The following TIMP2 variants were observed in gnomAD, a reference collection of about 807,000 sequenced individuals.
TIMP2 encodes the protein metalloproteinase inhibitor 2.
A neutral mutation model predicts 24.3 loss-of-function variants in TIMP2; 5 were observed. The observed-to-expected ratio is 0.21, with a 90% CI of 0.11 to 0.43. The LOEUF (loss-of-function observed/expected upper bound fraction) is 0.43. Ranked by LOEUF, TIMP2 falls within the 20% of genes least tolerant of loss-of-function variation. The probability of loss-of-function intolerance (pLI) is 1.00; values close to 1 mark genes in which losing one functional copy is unlikely to be tolerated. For missense variants in TIMP2, 221 were observed against 297.5 expected (o/e 0.74, Z 1.89); for synonymous variants, 130 against 123.2 (o/e 1.06, Z -0.37).
intron 1 of TIMP2, among the ~76,000 whole-genome samples, chr17:78,893,361 AGGGGTGTG>A (rs2069942908): frequency 7.9e-5 from 7 of 88,970 alleles, no homozygotes; most frequent in African/African-American, 3.3e-4. Context: ...GTGTGTGTGC[AGGGGTGTG>A]TAGGAGTGTG....
At chr17:78,875,483 G>A (rs963775910) in intron 1 of TIMP2, among the ~76,000 whole-genome samples, 1 of 152,122 alleles carries the variant, frequency 6.6e-6, no homozygotes, top group Non-Finnish European at 1.5e-5. Context: ...GGTAACCTGA[G>A]GACAAGCAGA....
intron 1 of TIMP2, among the ~76,000 whole-genome samples, chr17:78,875,406 G>A (rs955080106): frequency 1.3e-5 from 2 of 152,114 alleles, no homozygotes; most frequent in South Asian, 4.1e-4. Context: ...GGAGCCTGAG[G>A]TTGCTGACAG....
intron 1 of TIMP2, among the ~76,000 whole-genome samples, chr17:78,910,194 CTTTT>C (rs941956227): frequency 7.0e-6 from 1 of 142,732 alleles, no homozygotes. Context: ...ATTTCTTTTT[CTTTT>C]TTTTTTTTTT....
intron 1 of TIMP2, among the ~76,000 whole-genome samples, chr17:78,894,531 C>T (rs987020658): frequency 1.3e-5 from 2 of 151,994 alleles, no homozygotes; most frequent in African/African-American, 2.4e-5. Flanking sequence ...AAAGGTGCCA[C>T]GGCAATTTAA....
intron 3 of TIMP2, among the ~76,000 whole-genome samples, chr17:78,863,503 A>T (rs889334329): frequency 6.6e-6 from 1 of 152,136 alleles, no homozygotes; most frequent in Non-Finnish European, 1.5e-5. Flanking sequence ...CAGCCTCTCA[A>T]AGTGCTGGGA....
chr17:78,923,315 C>T (rs980483067), intron 1 of TIMP2, among the ~76,000 whole-genome samples: 2 of 149,744 alleles, frequency 1.3e-5, no homozygotes, highest in African/African-American at 4.9e-5. Flanking sequence ...TCAGTGGCCG[C>T]CTTAACTTAT....
intron 1 of TIMP2, chr17:78,902,553 G>A (rs1278726815): frequency 6.6e-6 from 1 of 152,392 alleles, no homozygotes; most frequent in Non-Finnish European, 1.5e-5. Context: ...CCATATCCTG[G>A]GCTGGGTCAG....
chr17:78,865,624 C>CAAAA (rs35179698), intron 3 of TIMP2, among the ~76,000 whole-genome samples: 39 of 117,708 alleles, frequency 3.3e-4, no homozygotes, highest in East Asian at 1.7e-3. Flanking sequence ...AACTCTGTCT[C>CAAAA]AAAAAAAAAA....
intron 4 of TIMP2, chr17:78,856,233 C>T (rs116809953): frequency 2.0e-3 from 512 of 256,184 alleles, no homozygotes; most frequent in African/African-American, 1.0e-2. Context: ...GTGTTGCTCG[C>T]AAGCCGAGCC....
chr17:78,925,005 G>C lies in TIMP2; in HGVS notation c.84C>G (p.Ser28Arg). Residue 28 changes from serine (S) to arginine (R), a missense_variant, in exon 1 of 5, where the codon AGC becomes AGG. Coordinates refer to ENST00000262768, the MANE Select transcript of TIMP2 (RefSeq NM_003255.5). ...ATLLRPADAC[S>R]CSPVHPQQAF... ...CCTGTTGCGGGTGCACCGGGGAGCA[G>C]CTGCAGGCGTCGGCCGGGCGAAGCA... is the stretch of plus-strand genomic sequence containing the variant. The C allele has an allele frequency of 7.7e-7, 1 of 1,299,442 alleles. No homozygotes were observed. The allele number at this position is 1,299,442 out of a possible 1,614,324, so 80.5% of individuals were successfully genotyped here.
intron 1 of TIMP2, among the ~76,000 whole-genome samples, chr17:78,905,514 C>T (rs1053226145): frequency 6.6e-6 from 1 of 152,244 alleles, no homozygotes; most frequent in South Asian, 2.1e-4. Flanking sequence ...GTGGCCTTGA[C>T]GCCCATTCTA....
At chr17:78,858,729 T>TA (rs1202468779) in intron 3 of TIMP2, among the ~76,000 whole-genome samples, 1 of 152,178 alleles carries the variant, frequency 6.6e-6, no homozygotes, top group Non-Finnish European at 1.5e-5. Flanking sequence ...CTTGCTATGT[T>TA]ACTCAGGCTG....
chr17:78,906,214 T>C (rs973636592), intron 1 of TIMP2, among the ~76,000 whole-genome samples: 1 of 151,874 alleles, frequency 6.6e-6, no homozygotes, highest in Non-Finnish European at 1.5e-5. Context: ...TATAAAAAAC[T>C]AAAAATAGCC....
rs747782100 is a variant in TIMP2 at position 78,924,949 on chromosome 17, C to A, written c.130+10G>T. ...GGCCCCGCGCGGGGGCTGGGGTCGCCGCTCCTTACCTACATCTGCATTGCA... is the reference window on the plus strand; with the variant it reads ...GGCCCCGCGCGGGGGCTGGGGTCGCAGCTCCTTACCTACATCTGCATTGCA... On this transcript the variant is annotated intron_variant, in intron 1 of 4. Coordinates refer to ENST00000262768, the MANE Select transcript of TIMP2 (RefSeq NM_003255.5). This position sits in a 1 kb window ranked among gnomAD's most constrained non-coding sequence, Gnocchi z 5.3. 33 of 1,258,910 alleles carry A rather than the reference C, an allele frequency of 2.6e-5. No homozygotes were observed. In the South Asian group the frequency reaches 7.4e-4, roughly 28 times the overall value. 78.0% of individuals were successfully genotyped at this position (1,258,910 alleles called of 1,614,324 possible).
intron 1 of TIMP2, among the ~76,000 whole-genome samples, chr17:78,909,382 G>A (rs9900501): frequency 0.032 from 4,776 of 151,330 alleles, 257 homozygotes; most frequent in African/African-American, 0.11. Context: ...ATAAATCAAG[G>A]AGCCCACCTG....
chr17:78,918,056 GCACACACAAACACA>G (rs1414188658), intron 1 of TIMP2, among the ~76,000 whole-genome samples: 2 of 53,214 alleles, frequency 3.8e-5, no homozygotes, highest in East Asian at 4.0e-4. Context: ...ACGTACGCGT[GCACACACAAACACA>G]CACACACACA....
chr17:78,856,191 G>A, intron 4 of TIMP2: 1 of 353,892 alleles, frequency 2.8e-6, no homozygotes, highest in Non-Finnish European at 5.4e-6. Flanking sequence ...CAATAAAAGG[G>A]CCTGGGTTTC....
At position 78,924,783 on chromosome 17, in the gene TIMP2, G is replaced by C. The variant is rs568974687; in HGVS notation, c.130+176C>G. Among the ~76,000 whole-genome samples, 5 of 152,008 alleles carry C rather than the reference G, an allele frequency of 3.3e-5. No individual in the cohort carries two copies. The highest frequency in any genetic ancestry group is 6.5e-5 in the Admixed American group (1 of 15,268). On this transcript the variant is annotated intron_variant, in intron 1 of 4. Coordinates refer to ENST00000262768, the MANE Select transcript of TIMP2 (RefSeq NM_003255.5). This position sits in a 1 kb window ranked among gnomAD's most constrained non-coding sequence, Gnocchi z 5.3. ...AGGGAAAGAAAGGGAGAGGAGGGAG[G>C]GGGGAAAGAAAGTCGGCTCTGGGCG...
intron 1 of TIMP2, chr17:78,892,668 G>A (rs1568000679): frequency 2.9e-6 from 2 of 686,494 alleles, no homozygotes; most frequent in Non-Finnish European, 2.4e-6. Context: ...TAGGGCAGCT[G>A]TTTTGAACAG....
Sources: gnomAD v4.1 joint callset for allele counts (sites outside exome capture counted in the v4.1 genomes callset) on GRCh38, gnomAD v4.1.1 for gene constraint, Gnocchi (gnomAD v3.1) non-coding constraint, MANE v1.5 for transcripts, NCBI Gene and HGNC (gene_info 2026-07-23, HGNC 2026-07-21) for gene names.